Variants in SUMF1 observed in about 807,000 individuals in gnomAD.
The protein encoded by SUMF1 is sulfatase modifying factor 1, also known as formylglycine-generating enzyme.
In SUMF1, 48 loss-of-function variants were observed where a neutral mutation model predicts 47.6. The ratio of observed to expected loss-of-function variants is 1.01; its 90% confidence interval spans 0.80 to 1.28. SUMF1 has a LOEUF of 1.28. Ranked by LOEUF, SUMF1 falls within the 50% of genes most tolerant of loss-of-function variation. The pLI, the probability that SUMF1 is intolerant of heterozygous loss-of-function variation, is 0.00. For missense variants in SUMF1, 571 were observed against 485.4 expected (o/e 1.18, Z -1.66); for synonymous variants, 230 against 192.1 (o/e 1.20, Z -1.63).
At chr3:4,337,040 G>A (rs1416944174) in intron 8 of SUMF1, among the ~76,000 whole-genome samples, 1 of 152,066 alleles carries the variant, frequency 6.6e-6, no homozygotes, top group South Asian at 2.1e-4. Context: ...AAAACACTCT[G>A]GATTTTCTTT....
At chr3:4,355,027 C>T (rs1244317365) in intron 8 of SUMF1, among the ~76,000 whole-genome samples, 1 of 152,180 alleles carries the variant, frequency 6.6e-6, no homozygotes, top group African/African-American at 2.4e-5. Context: ...TATCCCAAGG[C>T]TCTCTACCCA....
chr3:4,221,189 C>T (rs1696052450), intron 8 of SUMF1, among the ~76,000 whole-genome samples: 1 of 152,166 alleles, frequency 6.6e-6, no homozygotes, highest in South Asian at 2.1e-4. Context: ...CCATTACACT[C>T]ACCAAGAAAC....
chr3:4,268,305 G>A (rs548209780), intron 8 of SUMF1, among the ~76,000 whole-genome samples: 3 of 151,968 alleles, frequency 2.0e-5, no homozygotes, highest in African/African-American at 7.3e-5. Context: ...GGCGGGGAGG[G>A]ATAGCATTGG....
intron 3 of SUMF1, among the ~76,000 whole-genome samples, chr3:4,421,820 A>T (rs552620227): frequency 6.6e-6 from 1 of 152,300 alleles, no homozygotes; most frequent in East Asian, 1.9e-4. Flanking sequence ...ACAAATACAA[A>T]AGAAAGTGAC....
intron 8 of SUMF1, among the ~76,000 whole-genome samples, chr3:4,146,965 T>C (rs1285862782): frequency 3.3e-5 from 5 of 152,134 alleles, no homozygotes; most frequent in Non-Finnish European, 7.3e-5. Context: ...GTTCCAAGTC[T>C]TTGCTATTGT....
chr3:4,193,510 A>ACTGTGCCCTTAACTTGTAGAGT (rs1340601118), intron 8 of SUMF1, among the ~76,000 whole-genome samples: 16 of 152,092 alleles, frequency 1.1e-4, no homozygotes. Flanking sequence ...TTTGTGGGAG[A>ACTGTGCCCTTAACTTGTAGAGT]CTGTGCCCTT....
intron 8 of SUMF1, among the ~76,000 whole-genome samples, chr3:4,311,778 G>A (rs1043138432): frequency 2.6e-5 from 4 of 152,070 alleles, no homozygotes; most frequent in Admixed American, 2.6e-4. Flanking sequence ...TATCTTACCT[G>A]TTTATAAGTC....
At chr3:4,294,013 C>G (rs1697791401) in intron 8 of SUMF1, among the ~76,000 whole-genome samples, 1 of 152,156 alleles carries the variant, frequency 6.6e-6, no homozygotes, top group African/African-American at 2.4e-5. Context: ...CACATTCACC[C>G]CTACCACTCA....
intron 8 of SUMF1, among the ~76,000 whole-genome samples, chr3:4,085,079 A>G (rs1395891834): frequency 6.6e-6 from 1 of 152,142 alleles, no homozygotes; most frequent in Non-Finnish European, 1.5e-5. Context: ...ACTCAGAGAC[A>G]GATTAGGGGT....
intron 8 of SUMF1, among the ~76,000 whole-genome samples, chr3:4,098,312 C>G (rs1692951717): frequency 1.3e-5 from 2 of 152,074 alleles, no homozygotes; most frequent in Admixed American, 1.3e-4. Context: ...AAGCCCATAT[C>G]TCTAACAAGG....
chr3:4,453,070 C>A (rs1575241860), intron 1 of SUMF1, 21 bp from the exon 2 acceptor site: 3 of 1,605,926 alleles, frequency 1.9e-6, no homozygotes, highest in East Asian at 2.2e-5. Flanking sequence ...AGGTGAAACA[C>A]AGGAAGTCAT....
At chr3:4,163,352 G>C (rs922732402) in intron 8 of SUMF1, among the ~76,000 whole-genome samples, 2 of 77,788 alleles carry the variant, frequency 2.6e-5, no homozygotes, top group African/African-American at 9.7e-5. Flanking sequence ...GAGAGAGACA[G>C]AGAGAGAGAG....
chr3:4,256,388 AAG>A (rs199612537), intron 8 of SUMF1, among the ~76,000 whole-genome samples: 13,671 of 119,622 alleles, frequency 0.11, 1,062 homozygotes, highest in South Asian at 0.28. Context: ...TAAAGAAAAA[AAG>A]AGAGAAGAAT....
intron 8 of SUMF1, among the ~76,000 whole-genome samples, chr3:4,249,128 A>C (rs769205399): frequency 4.6e-5 from 7 of 152,206 alleles, no homozygotes; most frequent in Non-Finnish European, 1.0e-4. Context: ...TTGGCTTCAA[A>C]ATCAGTAGAG....
chr3:4,343,693 C>G (rs1469958716), intron 8 of SUMF1, among the ~76,000 whole-genome samples: 1 of 152,206 alleles, frequency 6.6e-6, no homozygotes, highest in Admixed American at 6.5e-5. Flanking sequence ...TGCAAATTCA[C>G]TGTGCATGGA....
In SUMF1 at chr3:4,418,041, C is replaced by A; in HGVS notation, c.694G>T (p.Glu232Ter). 1 of 1,614,018 alleles carries A rather than the reference C, an allele frequency of 6.2e-7. No individual in the cohort carries two copies. Among genetic ancestry groups the A allele is most frequent in the Non-Finnish European group, 8.5e-7 (1 of 1,180,022 alleles). ...TGCAGGCCTCCTCGACAGCTGTATT[C>A]CCACTCAGCTTCCGTGGGCAGCCGC... ...GKRLPTEAEWEYSCRGGLHNR... is the reference protein window; with the variant it reads ...GKRLPTEAEW Residue 232 changes from glutamate to a stop codon, truncating the protein, a stop_gained, in exon 5 of 9, where the codon GAA (glutamate) becomes TAA (stop). Coordinates refer to ENST00000272902, the MANE Select transcript of SUMF1 (RefSeq NM_182760.4). LOFTEE classifies it high-confidence loss of function.
intron 8 of SUMF1, among the ~76,000 whole-genome samples, chr3:4,141,203 C>T (rs1045309211): frequency 1.3e-5 from 2 of 152,150 alleles, no homozygotes; most frequent in Non-Finnish European, 2.9e-5. Context: ...CAAATAAATG[C>T]AGCAGTGAGA....
intron 8 of SUMF1, among the ~76,000 whole-genome samples, chr3:4,082,764 T>A (rs900289639): frequency 6.6e-6 from 1 of 152,150 alleles, no homozygotes; most frequent in African/African-American, 2.4e-5. Flanking sequence ...GATTACATCC[T>A]GTTTGGGGGA....
At chr3:4,456,721 T>C (rs1265083299) in intron 1 of SUMF1, among the ~76,000 whole-genome samples, 1 of 135,912 alleles carries the variant, frequency 7.4e-6, no homozygotes, top group Admixed American at 7.4e-5. Flanking sequence ...TATATACATA[T>C]ATATACGTGT....
Sources: allele counts gnomAD v4.1 joint callset (sites outside exome capture counted in the v4.1 genomes callset), GRCh38; gene constraint gnomAD v4.1.1; transcripts MANE v1.5; gene names NCBI Gene and HGNC (gene_info 2026-07-23, HGNC 2026-07-21).